The following TNC variants were observed in gnomAD, a reference collection of about 807,000 sequenced individuals.
TNC encodes tenascin.
In TNC, 109 loss-of-function variants were observed where a neutral mutation model predicts 202.4. The ratio of observed to expected loss-of-function variants is 0.54; its 90% CI spans 0.46 to 0.63. TNC has a LOEUF of 0.63. TNC is among the 30% of genes least tolerant of loss of function. The pLI is 0.00. For synonymous variants in TNC, 1,007 were observed against 1,089.7 expected, an observed-to-expected ratio of 0.92 and a Z score of 1.50; for missense variants, 2,756 against 2,833.3, an observed-to-expected ratio of 0.97 and a Z score of 0.62.
At chr9:115,052,391 G>A (rs1831759056) in intron 15 of TNC, among the ~76,000 whole-genome samples, 2 of 151,774 alleles carry the variant, frequency 1.3e-5, no homozygotes, top group South Asian at 2.1e-4. Flanking sequence ...CTACTGCACA[G>A]CATGGTGACT....
intron 22 of TNC, among the ~76,000 whole-genome samples, 185 bp downstream of exon 22, chr9:115,035,019 A>G (rs894590803): frequency 6.6e-6 from 1 of 152,194 alleles, no homozygotes; most frequent in Non-Finnish European, 1.5e-5. Flanking sequence ...GAGTCTGGTT[A>G]AAATGAAAGA....
intron 1 of TNC, among the ~76,000 whole-genome samples, chr9:115,093,001 T>G (rs1835350407): frequency 6.6e-6 from 1 of 152,226 alleles, no homozygotes; most frequent in South Asian, 2.1e-4. Flanking sequence ...GTGCTTGGAT[T>G]ATTCAGCCTA....
In TNC at chr9:115,044,480, CAA is replaced by C. The variant is rs1463481138; in HGVS notation, c.5125+1928_5125+1929del. 2.0e-5 allele frequency among the ~76,000 whole-genome samples: 3 copies of C among 151,096 alleles called. No homozygotes were observed. The East Asian group carries it at 5.8e-4, about 29-fold the overall frequency. On this transcript the variant is annotated intron_variant, in intron 17 of 27. Coordinates refer to ENST00000350763, the MANE Select transcript of TNC (RefSeq NM_002160.4). ...GCTACTAGGCTCTAGAGAAGAAAAT[CAA>C]AGAGAGGGCTTTCCAAAAGAGCAGG...
rs1229454015 is a variant in TNC, at chr9:115,079,238, T to C, written c.2405-1026A>G. Among the ~76,000 whole-genome samples, 4 of 152,206 alleles carry C rather than the reference T, an allele frequency of 2.6e-5. No homozygotes were observed. The East Asian group carries it at 7.7e-4, about 29-fold the overall frequency. On this transcript the variant is annotated intron_variant, in intron 6 of 27. Transcript: ENST00000350763. ...TTCTTCTTCTTCTCCTTTTTTTTTT[T>C]TTAAATGTGTTTTCAGCATTGGTTC... is the stretch of plus-strand genomic sequence containing the variant.
At chr9:115,041,881 C>T (rs1309555740) in intron 18 of TNC, among the ~76,000 whole-genome samples, 1 of 152,192 alleles carries the variant, frequency 6.6e-6, no homozygotes, top group African/African-American at 2.4e-5. Flanking sequence ...ATATCCAAGA[C>T]TAGCTTTTCA....
At position 115,046,695 on chromosome 9, in the gene TNC, A is replaced by G; in HGVS notation, c.4853-13T>C. The G allele has an allele frequency of 6.2e-7, 1 of 1,610,966 alleles. No individual in the cohort carries two copies. Among genetic ancestry groups the G allele is most frequent in the African/African-American group, 1.3e-5 (1 of 74,886 alleles). ...TCCGGTTCGGCTTCTAGAGGGAGAG[A>G]AAATGGTGGGAGAAGGAGGAAAGAC... is the stretch of plus-strand genomic sequence containing the variant. On this transcript the variant is annotated splice_polypyrimidine_tract_variant and intron_variant, in intron 16 of 27. Coordinates refer to ENST00000350763, the MANE Select transcript of TNC (RefSeq NM_002160.4).
intron 1 of TNC, among the ~76,000 whole-genome samples, chr9:115,108,487 C>T (rs984487775): frequency 6.6e-6 from 1 of 152,210 alleles, no homozygotes; most frequent in African/African-American, 2.4e-5. Flanking sequence ...CAGACATCTG[C>T]ACAATGGCAC....
At chr9:115,077,106 T>C (rs1415242738) in intron 7 of TNC, among the ~76,000 whole-genome samples, 2 of 151,598 alleles carry the variant, frequency 1.3e-5, no homozygotes, top group South Asian at 2.1e-4. Flanking sequence ...TTCACCCAGG[T>C]TGGAATGCAG....
chr9:115,063,282 G>A, intron 12 of TNC, 93 bp from the exon 13 acceptor site: 3 of 1,383,816 alleles, frequency 2.2e-6, no homozygotes, highest in Non-Finnish European at 3.0e-6. Context: ...GTTGGGATGA[G>A]TTGTCTGGTT....
chr9:115,094,761 T>A (rs1835486492), intron 1 of TNC, among the ~76,000 whole-genome samples: 1 of 151,338 alleles, frequency 6.6e-6, no homozygotes, highest in South Asian at 2.1e-4. Flanking sequence ...GTAGAAATCC[T>A]GGCAAAGCAG....
chr9:115,081,226 A>C, intron 6 of TNC, among the ~76,000 whole-genome samples: 1 of 152,224 alleles, frequency 6.6e-6, no homozygotes, highest in East Asian at 1.9e-4. Flanking sequence ...TCTGTCCTAC[A>C]ACTGGGTGCT....
chr9:115,050,120 C>T (rs1212227952), intron 15 of TNC, among the ~76,000 whole-genome samples: 1 of 152,120 alleles, frequency 6.6e-6, no homozygotes, highest in Non-Finnish European at 1.5e-5. Context: ...AGATAAGTGG[C>T]ATCTCTCTTT....
chr9:115,081,800 G>A lies in TNC; in HGVS notation c.2376C>T (p.Gly792=). ...TGGTGGTCACCCTCTTCAGGCCAGG[G>A]CCCCGGGTATTGTTTTTCACTATGT... is the stretch of plus-strand genomic sequence containing the variant. The part of the protein sequence containing the change: ...SLHIVKNNTR[G]PGLKRVTTTR... Residue 792 remains glycine, a synonymous_variant, in exon 6 of 28, where the codon GGC becomes GGT. Transcript: ENST00000350763. 1 of 1,613,688 alleles carries A rather than the reference G, an allele frequency of 6.2e-7. No homozygotes were observed. The highest frequency in any genetic ancestry group is 8.5e-7 in the Non-Finnish European group (1 of 1,179,914).
At chr9:115,075,411 A>G (rs1400043802) in intron 9 of TNC, among the ~76,000 whole-genome samples, 2 of 152,130 alleles carry the variant, frequency 1.3e-5, no homozygotes, top group South Asian at 4.1e-4. Flanking sequence ...TGGACTAGAT[A>G]ATGGTTTATT....
At chr9:115,100,899 G>A (rs932201387) in intron 1 of TNC, among the ~76,000 whole-genome samples, 11 of 151,952 alleles carry the variant, frequency 7.2e-5, no homozygotes, top group African/African-American at 2.7e-4. Flanking sequence ...AAAGCTGGGG[G>A]AAAAAAACCT....
intron 1 of TNC, among the ~76,000 whole-genome samples, chr9:115,103,017 A>G (rs1310954654): frequency 1.3e-5 from 2 of 152,230 alleles, no homozygotes; most frequent in East Asian, 1.9e-4. Context: ...AGATGTATCA[A>G]GGAATTTGTC....
At chr9:115,115,507 C>T (rs1356993645) in intron 1 of TNC, among the ~76,000 whole-genome samples, 2 of 152,196 alleles carry the variant, frequency 1.3e-5, no homozygotes, top group African/African-American at 2.4e-5. Flanking sequence ...ACCTCAGAGA[C>T]ATGCTGTGGA....
intron 1 of TNC, among the ~76,000 whole-genome samples, chr9:115,111,249 G>T (rs80142753): frequency 1.3e-5 from 2 of 152,130 alleles, no homozygotes; most frequent in East Asian, 1.9e-4. Flanking sequence ...ATTCTCATAC[G>T]TGTGCAATTA....
chr9:115,051,492 G>A (rs931895905), intron 15 of TNC, among the ~76,000 whole-genome samples: 1 of 151,090 alleles, frequency 6.6e-6, no homozygotes, highest in Admixed American at 6.6e-5. Context: ...AGTGGAGAAG[G>A]TTCAGCGTCT....
Sources: gnomAD v4.1 joint callset for allele counts (sites outside exome capture counted in the v4.1 genomes callset) on GRCh38, gnomAD v4.1.1 for gene constraint, MANE v1.5 for transcripts, NCBI Gene and HGNC (gene_info 2026-07-23, HGNC 2026-07-21) for gene names.